Variants in MFSD11 observed in about 807,000 individuals in gnomAD.
The protein encoded by MFSD11 is major facilitator superfamily domain containing 11.
In MFSD11, 36 loss-of-function variants were observed where a neutral mutation model predicts 53.5. The ratio of observed to expected loss-of-function variants is 0.67; its 90% CI spans 0.52 to 0.89. The LOEUF is 0.89. Among genes scored for constraint, MFSD11 ranks in the 40% least tolerant of loss-of-function variants. The probability of loss-of-function intolerance (pLI) is 0.00; values close to 1 mark genes in which losing one functional copy is unlikely to be tolerated. For synonymous variants in MFSD11, 186 were observed against 184.9 expected, an observed-to-expected ratio of 1.01 and a Z score of -0.05; for missense variants, 530 against 543.9, an observed-to-expected ratio of 0.97 and a Z score of 0.25.
At chr17:76,797,495 C>G in the MFSD11 span, among the ~76,000 whole-genome samples, 1 of 152,154 alleles carries the variant, frequency 6.6e-6, no homozygotes, top group Admixed American at 6.6e-5. Flanking sequence ...TTGAGGATGA[C>G]TAAAGTTCCC....
At chr17:76,781,909 C>T (rs62086796), downstream of MFSD11, among the ~76,000 whole-genome samples, 7,430 of 152,026 alleles carry the variant, frequency 0.049, 285 homozygotes, top group Admixed American at 0.12. Context: ...GCAGCTTTGA[C>T]GTCTTGGGCT....
At chr17:76,789,843 A>G in the MFSD11 span, among the ~76,000 whole-genome samples, 2 of 150,198 alleles carry the variant, frequency 1.3e-5, no homozygotes, top group Non-Finnish European at 3.0e-5. Flanking sequence ...GGTCACTCAT[A>G]TTGGCTCAGA....
Position 76,778,243 on chromosome 17 carries a change from A to C in MFSD11, c.1241A>C (p.Gln414Pro). The C allele has an allele frequency of 6.2e-7, 1 of 1,614,158 alleles. No homozygotes were observed. The highest frequency in any genetic ancestry group is 8.5e-7 in the Non-Finnish European group (1 of 1,180,024). The change falls in exon 13 of 13, where the codon CAA (glutamine) becomes CCA (proline). Residue 414 changes from glutamine (Q) to proline (P), a missense_variant. Transcript: ENST00000685175. ...FYSNYLLLHW[Q>P]LLVMVIFGFF... ...AGCAACTACCTTCTCCTTCACTGGC[A>C]ACTCCTGGTCATGGTGATATTTGGG...
upstream of MFSD11, chr17:76,737,401 T>G: frequency 2.1e-6 from 1 of 470,712 alleles, no homozygotes; most frequent in South Asian, 4.0e-5. Context: ...CACCCGGAAA[T>G]GAAACCTTCT....
At chr17:76,771,218 C>G (rs1195896238) in intron 10 of MFSD11, among the ~76,000 whole-genome samples, 1 of 152,188 alleles carries the variant, frequency 6.6e-6, no homozygotes, top group Admixed American at 6.5e-5. Context: ...CAAGGGTTGC[C>G]CCCTTAGCGT....
downstream of MFSD11, among the ~76,000 whole-genome samples, chr17:76,786,074 CAA>C (rs35306490): frequency 0.16 from 11,863 of 75,806 alleles, 1,867 homozygotes; most frequent in African/African-American, 0.4. Context: ...GACTCCATCT[CAA>C]AAAAAAAAAA....
downstream of MFSD11, among the ~76,000 whole-genome samples, chr17:76,782,157 G>C (rs1399058445): frequency 1.3e-5 from 2 of 149,560 alleles, no homozygotes; most frequent in Admixed American, 1.3e-4. Flanking sequence ...GGAGTTTGTT[G>C]CGCTTTTATT....
Position 76,751,543 on chromosome 17 carries a change from A to G in MFSD11, c.642-2504A>G, listed in dbSNP as rs76247393. On this transcript the variant is annotated intron_variant, in intron 7 of 12. Transcript: ENST00000685175. The stretch of plus-strand genomic sequence containing the variant: ...CTGTCTCTGCAAAAATTTAAAAATC[A>G]TGCCTGTCTCTACAGGCATGGTGGT... Among the ~76,000 whole-genome samples the G allele has an allele frequency of 7.0e-3, 1,057 of 151,450 alleles. 14 individuals are homozygous for G. The highest frequency in any genetic ancestry group is 0.024 in the African/African-American group (1,005 of 41,276).
chr17:76,770,404 T>C (rs2081290858), intron 10 of MFSD11, among the ~76,000 whole-genome samples: 1 of 152,210 alleles, frequency 6.6e-6, no homozygotes, highest in Admixed American at 6.5e-5. Flanking sequence ...ATGGAAACCC[T>C]GTGTAAGAAA....
At chr17:76,766,508 T>C (rs775303003) in intron 8 of MFSD11, among the ~76,000 whole-genome samples, 6 of 152,130 alleles carry the variant, frequency 3.9e-5, no homozygotes, top group Admixed American at 6.6e-5. Flanking sequence ...TTAAAAGTAT[T>C]GTTTTAAACT....
intron 10 of MFSD11, among the ~76,000 whole-genome samples, chr17:76,774,694 T>C (rs2081654781): frequency 6.6e-6 from 1 of 152,262 alleles, no homozygotes; most frequent in South Asian, 2.1e-4. Context: ...GTTGTGTCCT[T>C]ATTTTATTTC....
downstream of MFSD11, among the ~76,000 whole-genome samples, chr17:76,782,257 C>T (rs1347169307): frequency 1.3e-5 from 2 of 151,858 alleles, no homozygotes; most frequent in South Asian, 2.1e-4. Context: ...CTCACTGCAA[C>T]CTCTGCCTCC....
At chr17:76,775,671 A>G (rs1405947736) in intron 11 of MFSD11, among the ~76,000 whole-genome samples, 1 of 152,222 alleles carries the variant, frequency 6.6e-6, no homozygotes, top group Non-Finnish European at 1.5e-5. Context: ...AAAACTATAC[A>G]AACTGAGTAT....
chr17:76,777,049 C>T (rs1412052024), intron 12 of MFSD11, among the ~76,000 whole-genome samples: 2 of 152,040 alleles, frequency 1.3e-5, no homozygotes. Context: ...GGGCGGATCA[C>T]GAGGTCACAA....
chr17:76,753,687 C>CAAAAA (rs11393515), intron 7 of MFSD11, among the ~76,000 whole-genome samples: 8 of 127,060 alleles, frequency 6.3e-5, no homozygotes, highest in African/African-American at 5.9e-5. Flanking sequence ...GACCCTGTCT[C>CAAAAA]AAAAAAAAAA....
chr17:76,798,714 G>C, the MFSD11 span, among the ~76,000 whole-genome samples: 1 of 152,122 alleles, frequency 6.6e-6, no homozygotes, highest in Non-Finnish European at 1.5e-5. Flanking sequence ...GTGAGCTGTT[G>C]CTCTATTATG....
At chr17:76,791,916 A>G in the MFSD11 span, among the ~76,000 whole-genome samples, 130 of 132,330 alleles carry the variant, frequency 9.8e-4, 3 homozygotes, top group Admixed American at 8.1e-3. Flanking sequence ...CCCTTTCTGG[A>G]TCAGAAACCA....
the MFSD11 span, among the ~76,000 whole-genome samples, chr17:76,796,585 C>T: frequency 1.8e-4 from 27 of 152,122 alleles, no homozygotes; most frequent in African/African-American, 6.0e-4. Context: ...CCGACCCTCA[C>T]AGGTTAAGTA....
At chr17:76,755,284 C>G (rs895184633) in intron 8 of MFSD11, among the ~76,000 whole-genome samples, 1 of 152,138 alleles carries the variant, frequency 6.6e-6, no homozygotes, top group African/African-American at 2.4e-5. Context: ...GGATTTGAGC[C>G]AGATTCTCTT....
Sources: gnomAD v4.1 joint callset for allele counts (sites outside exome capture counted in the v4.1 genomes callset) on GRCh38, gnomAD v4.1.1 for gene constraint, MANE v1.5 for transcripts, NCBI Gene and HGNC (gene_info 2026-07-23, HGNC 2026-07-21) for gene names.